The following GRIK1 variants were observed in gnomAD, a reference collection of about 807,000 sequenced individuals.
The protein encoded by GRIK1 is glutamate receptor ionotropic, kainate 1.
Under a neutral mutation model 105.7 loss-of-function variants are expected in GRIK1, and 69 were observed. The ratio of observed to expected loss-of-function variants is 0.65; its 90% CI spans 0.54 to 0.80. The LOEUF is 0.80. Among genes scored for constraint, GRIK1 ranks in the 30% least tolerant of loss-of-function variants. The pLI, the probability that GRIK1 is intolerant of heterozygous loss-of-function variation, is 0.00. For missense variants in GRIK1, 1,109 were observed against 1,167.3 expected (o/e 0.95, Z 0.73); for synonymous variants, 438 against 431.3 (o/e 1.02, Z -0.19).
At chr21:29,604,982 T>C (rs1812689607) in intron 7 of GRIK1, among the ~76,000 whole-genome samples, 1 of 152,334 alleles carries the variant, frequency 6.6e-6, no homozygotes, top group Non-Finnish European at 1.5e-5. Context: ...TGGGCTCTTA[T>C]GATAATCAAC....
At chr21:29,547,954 G>A (rs1311987834) in intron 16 of GRIK1, among the ~76,000 whole-genome samples, 2 of 152,194 alleles carry the variant, frequency 1.3e-5, no homozygotes, top group Admixed American at 6.5e-5. Context: ...CTTGGTTTTT[G>A]TGGCTGGTAA....
chr21:29,720,098 A>G (rs2064282656), intron 1 of GRIK1, among the ~76,000 whole-genome samples: 1 of 152,242 alleles, frequency 6.6e-6, no homozygotes, highest in East Asian at 1.9e-4. Flanking sequence ...TTTACATGAT[A>G]AAAGAAGAAC....
intron 1 of GRIK1, among the ~76,000 whole-genome samples, chr21:29,774,664 C>T (rs1021636494): frequency 1.3e-5 from 2 of 152,060 alleles, no homozygotes; most frequent in African/African-American, 2.4e-5. Flanking sequence ...ATTGGCCAGG[C>T]TGGTCTCAAT....
intron 7 of GRIK1, among the ~76,000 whole-genome samples, chr21:29,604,210 C>T (rs1261005009): frequency 1.3e-5 from 2 of 152,186 alleles, no homozygotes; most frequent in African/African-American, 4.8e-5. Flanking sequence ...CCACTTCTCG[C>T]TTTTTCTCCT....
intron 1 of GRIK1, among the ~76,000 whole-genome samples, chr21:29,789,992 G>A (rs1018612179): frequency 6.6e-6 from 1 of 152,192 alleles, no homozygotes; most frequent in African/African-American, 2.4e-5. Flanking sequence ...GGTTGCTAGA[G>A]GGAAAGTTAA....
intron 15 of GRIK1, among the ~76,000 whole-genome samples, chr21:29,560,494 T>C (rs1166058021): frequency 1.4e-4 from 4 of 28,084 alleles, no homozygotes; most frequent in African/African-American, 4.1e-4. Context: ...TTTCTTTCTT[T>C]CTTTCCTTCC....
At chr21:29,597,706 G>T (rs563623599) in intron 8 of GRIK1, 2 of 452,692 alleles carry the variant, frequency 4.4e-6, no homozygotes, top group African/African-American at 2.0e-5. Context: ...TGAGTAACCT[G>T]CATGTATAAT....
chr21:29,888,368 G>T (rs2146210781), intron 1 of GRIK1, among the ~76,000 whole-genome samples: 1 of 150,204 alleles, frequency 6.7e-6, no homozygotes, highest in African/African-American at 2.4e-5. Context: ...GGGTTCAAGA[G>T]ATCCTCACCC....
At chr21:29,682,699 T>A (rs2146683256) in intron 3 of GRIK1, among the ~76,000 whole-genome samples, 1 of 152,328 alleles carries the variant, frequency 6.6e-6, no homozygotes, top group Non-Finnish European at 1.5e-5. Flanking sequence ...ACCTAAGGAA[T>A]ACCAGTCTGT....
At chr21:29,904,387 A>G (rs759014395) in intron 1 of GRIK1, among the ~76,000 whole-genome samples, 1 of 152,006 alleles carries the variant, frequency 6.6e-6, no homozygotes, top group Non-Finnish European at 1.5e-5. Context: ...TATTATGACT[A>G]TATAGTGTAT....
At chr21:29,681,165 T>G (rs542877932) in intron 3 of GRIK1, among the ~76,000 whole-genome samples, 2 of 152,104 alleles carry the variant, frequency 1.3e-5, no homozygotes, top group Admixed American at 1.3e-4. Context: ...GTAAACATAG[T>G]ACATATAGGG....
intron 7 of GRIK1, among the ~76,000 whole-genome samples, chr21:29,629,975 C>T (rs578076166): frequency 1.3e-5 from 2 of 152,240 alleles, no homozygotes; most frequent in South Asian, 4.1e-4. Context: ...GGTGGAACTG[C>T]AAGGATGGAT....
At chr21:29,772,028 A>G (rs528941405) in intron 1 of GRIK1, among the ~76,000 whole-genome samples, 2 of 152,316 alleles carry the variant, frequency 1.3e-5, no homozygotes, top group East Asian at 3.9e-4. Flanking sequence ...TATGATACCA[A>G]TCTCATAGTT....
At chr21:29,639,792 T>C (rs562912547) in intron 7 of GRIK1, among the ~76,000 whole-genome samples, 14 of 152,320 alleles carry the variant, frequency 9.2e-5, no homozygotes, top group Admixed American at 7.8e-4. Flanking sequence ...GTAGTGGAGT[T>C]CCAGTAATGC....
At chr21:29,860,427 A>G (rs2068600057) in intron 1 of GRIK1, among the ~76,000 whole-genome samples, 1 of 152,234 alleles carries the variant, frequency 6.6e-6, no homozygotes, top group Admixed American at 6.5e-5. Context: ...TTTGACAAAT[A>G]GGGAACTCAT....
chr21:29,888,016 A>G (rs187904951), intron 1 of GRIK1, among the ~76,000 whole-genome samples: 3 of 151,670 alleles, frequency 2.0e-5, no homozygotes, highest in African/African-American at 7.2e-5. Flanking sequence ...GGTAAAAACC[A>G]ACTCCCCAAA....
At chr21:29,659,156 AT>A (rs2062912363) in intron 4 of GRIK1, among the ~76,000 whole-genome samples, 1 of 152,170 alleles carries the variant, frequency 6.6e-6, no homozygotes, top group Non-Finnish European at 1.5e-5. Flanking sequence ...TTTTAAAAAC[AT>A]TTATTAGTTT....
chr21:29,778,347 G>A (rs1405703265), intron 1 of GRIK1, among the ~76,000 whole-genome samples: 1 of 152,070 alleles, frequency 6.6e-6, no homozygotes, highest in African/African-American at 2.4e-5. Flanking sequence ...TCCAATTTTT[G>A]CAAAATAAAA....
At chr21:29,643,365 T>C (rs1444813377) in intron 6 of GRIK1, among the ~76,000 whole-genome samples, 1 of 152,246 alleles carries the variant, frequency 6.6e-6, no homozygotes, top group South Asian at 2.1e-4. Flanking sequence ...TTTGTCTATA[T>C]CTATTTATCT....
Sources: allele counts gnomAD v4.1 joint callset (sites outside exome capture counted in the v4.1 genomes callset), GRCh38; gene constraint gnomAD v4.1.1; transcripts MANE v1.5; gene names NCBI Gene and HGNC (gene_info 2026-07-23, HGNC 2026-07-21).